FHIT: variants seen among roughly 807,000 people sequenced by gnomAD.
FHIT encodes the protein bis(5'-adenosyl)-triphosphatase.
FHIT carries 19 observed loss-of-function variants against 17.9 expected under a neutral mutation model. The ratio of observed to expected loss-of-function variants is 1.06; its 90% CI spans 0.74 to 1.56. The LOEUF is 1.56. FHIT is among the 40% of genes most tolerant of loss of function. FHIT has a pLI of 0.00. For missense variants in FHIT, 248 were observed against 189.2 expected, an observed-to-expected ratio of 1.31 and a Z score of -1.82; for synonymous variants, 81 against 69.7, an observed-to-expected ratio of 1.16 and a Z score of -0.81.
intron 5 of FHIT, among the ~76,000 whole-genome samples, chr3:60,053,830 T>C (rs889606078): frequency 1.3e-5 from 2 of 152,178 alleles, no homozygotes; most frequent in African/African-American, 4.8e-5. Context: ...TCACATGATG[T>C]TCACAGGATT....
intron 5 of FHIT, among the ~76,000 whole-genome samples, chr3:60,016,582 A>C (rs1257716817): frequency 6.6e-6 from 1 of 152,180 alleles, no homozygotes; most frequent in Non-Finnish European, 1.5e-5. Flanking sequence ...TTCACATTCT[A>C]ATGTCCGCAA....
At chr3:60,895,651 C>CTCCTTCCTTCCT (rs1324641044) in intron 3 of FHIT, among the ~76,000 whole-genome samples, 139 of 136,064 alleles carry the variant, frequency 1.0e-3, no homozygotes, top group African/African-American at 4.0e-3. Flanking sequence ...CTTCCTTTCC[C>CTCCTTCCTTCCT]TCCTTCCTTC....
chr3:59,934,819 G>T (rs566623634), intron 7 of FHIT, among the ~76,000 whole-genome samples: 109 of 152,152 alleles, frequency 7.2e-4, no homozygotes, highest in African/African-American at 2.5e-3. Flanking sequence ...ATGAGAACAC[G>T]ATGGGGGAAA....
intron 3 of FHIT, among the ~76,000 whole-genome samples, chr3:61,012,952 T>A (rs919108246): frequency 1.3e-5 from 2 of 152,016 alleles, no homozygotes; most frequent in Admixed American, 6.5e-5. Flanking sequence ...CAATTTTCAA[T>A]GAATAAAGAA....
At chr3:60,507,638 G>A (rs916828815) in intron 5 of FHIT, among the ~76,000 whole-genome samples, 1 of 152,046 alleles carries the variant, frequency 6.6e-6, no homozygotes, top group Non-Finnish European at 1.5e-5. Context: ...TCTAGTACCC[G>A]TTAGTTATTT....
intron 5 of FHIT, among the ~76,000 whole-genome samples, chr3:60,058,813 C>T (rs928011850): frequency 2.6e-5 from 4 of 152,062 alleles, no homozygotes; most frequent in Admixed American, 1.3e-4. Flanking sequence ...GTAAAAATCC[C>T]CTCACAATGA....
intron 8 of FHIT, among the ~76,000 whole-genome samples, chr3:59,833,081 T>A (rs1701220410): frequency 6.6e-6 from 1 of 152,174 alleles, no homozygotes; most frequent in African/African-American, 2.4e-5. Flanking sequence ...CACAAGCATA[T>A]ATGACATATT....
intron 8 of FHIT, among the ~76,000 whole-genome samples, chr3:59,789,521 T>G (rs1267945262): frequency 6.6e-6 from 1 of 152,226 alleles, no homozygotes; most frequent in East Asian, 1.9e-4. Flanking sequence ...TATTCTCACT[T>G]AACTCATTGC....
rs1257709575 is a variant in FHIT, at chr3:60,727,928, C to T, written c.-18+93991G>A. 1.2e-4 allele frequency among the ~76,000 whole-genome samples: 18 copies of T among 152,120 alleles called. 1 individual carries two copies. The highest frequency in any genetic ancestry group is 1.0e-3 in the Admixed American group (16 of 15,278). On this transcript the variant is annotated intron_variant, in intron 4 of 9. Coordinates refer to ENST00000492590, the MANE Select transcript of FHIT (RefSeq NM_002012.4). ...CTGAGGCAGGAGAATGGCGTGAACC[C>T]GGGAGGCAGAGCTTGCAGTGAGCCG...
intron 4 of FHIT, among the ~76,000 whole-genome samples, chr3:60,708,017 G>T (rs1272495483): frequency 6.6e-6 from 1 of 152,128 alleles, no homozygotes; most frequent in Non-Finnish European, 1.5e-5. Flanking sequence ...ATTTCAACTT[G>T]GGGTATTATA....
intron 8 of FHIT, among the ~76,000 whole-genome samples, chr3:59,910,809 C>G (rs547725932): frequency 6.6e-6 from 1 of 151,968 alleles, no homozygotes; most frequent in Non-Finnish European, 1.5e-5. Flanking sequence ...CTGAAGTTTC[C>G]GTTGTCTAGC....
intron 5 of FHIT, among the ~76,000 whole-genome samples, chr3:60,124,258 A>G (rs1333282550): frequency 6.6e-6 from 1 of 151,432 alleles, no homozygotes; most frequent in African/African-American, 2.4e-5. Flanking sequence ...CCTCCTAGAG[A>G]CACCAGACCA....
intron 5 of FHIT, among the ~76,000 whole-genome samples, chr3:60,493,854 T>C (rs1166790131): frequency 6.6e-6 from 1 of 152,150 alleles, no homozygotes; most frequent in Non-Finnish European, 1.5e-5. Context: ...GAGTGTTGAA[T>C]GGAACATAAA....
intron 3 of FHIT, among the ~76,000 whole-genome samples, chr3:60,866,855 C>T (rs1553753965): frequency 1.3e-5 from 2 of 152,148 alleles, no homozygotes; most frequent in African/African-American, 4.8e-5. Context: ...TTGCAGTCTC[C>T]CTTCCCATGC....
At chr3:60,496,222 C>G (rs1005367621) in intron 5 of FHIT, among the ~76,000 whole-genome samples, 1 of 151,828 alleles carries the variant, frequency 6.6e-6, no homozygotes, top group African/African-American at 2.4e-5. Flanking sequence ...ACTAAGATTC[C>G]AAGCGAGAAA....
intron 4 of FHIT, among the ~76,000 whole-genome samples, chr3:60,677,100 CTCCTGGGCTCAATTGA>C (rs1433929255): frequency 3.8e-4 from 58 of 152,260 alleles, no homozygotes; most frequent in Admixed American, 3.7e-3. Flanking sequence ...TAGTCTCCAA[CTCCTGGGCTCAATTGA>C]TCTGCCCGCC....
intron 5 of FHIT, among the ~76,000 whole-genome samples, chr3:60,251,529 C>T (rs998464351): frequency 1.3e-5 from 2 of 152,150 alleles, no homozygotes; most frequent in African/African-American, 4.8e-5. Flanking sequence ...CTCATCTTTC[C>T]AATTCCAAAG....
chr3:60,146,506 G>T (rs1308161372), intron 5 of FHIT, among the ~76,000 whole-genome samples: 1 of 152,060 alleles, frequency 6.6e-6, no homozygotes, highest in Admixed American at 6.6e-5. Flanking sequence ...GACTGCAGAG[G>T]AATGTTCTCA....
intron 5 of FHIT, among the ~76,000 whole-genome samples, chr3:60,133,141 G>A (rs1173520536): frequency 6.6e-6 from 1 of 152,096 alleles, no homozygotes; most frequent in Non-Finnish European, 1.5e-5. Context: ...ATCTTTCACG[G>A]CTCTTAAAAC....
Sources: allele counts gnomAD v4.1 joint callset (sites outside exome capture counted in the v4.1 genomes callset), GRCh38; gene constraint gnomAD v4.1.1; transcripts MANE v1.5; gene names NCBI Gene and HGNC (gene_info 2026-07-23, HGNC 2026-07-21).